Variants in SHANK2 observed in about 807,000 individuals in gnomAD.
The protein encoded by SHANK2 is SH3 and multiple ankyrin repeat domains protein 2.
Under a neutral mutation model 133.7 loss-of-function variants are expected in SHANK2, and 43 were observed. That is an observed-to-expected ratio of 0.32 (90% CI 0.25 to 0.41). The LOEUF (loss-of-function observed/expected upper bound fraction) is 0.41. Among genes scored for constraint, SHANK2 ranks in the 10% least tolerant of loss-of-function variants. SHANK2 has a pLI of 1.00. For synonymous variants in SHANK2, 1,017 were observed against 952.8 expected (o/e 1.07, Z -1.24); for missense variants, 1,994 against 2,235.8 (o/e 0.89, Z 2.18).
chr11:70,944,107 C>T (rs931077339), intron 10 of SHANK2, among the ~76,000 whole-genome samples: 4 of 152,218 alleles, frequency 2.6e-5, no homozygotes, highest in Non-Finnish European at 5.9e-5. Context: ...CTATTTCCCT[C>T]GAGTATATAA....
chr11:70,786,497 C>T (rs537560973), intron 14 of SHANK2, among the ~76,000 whole-genome samples: 1 of 152,260 alleles, frequency 6.6e-6, no homozygotes, highest in South Asian at 2.1e-4. Flanking sequence ...GACTTTTATA[C>T]CTTTACATTC....
intron 17 of SHANK2, among the ~76,000 whole-genome samples, chr11:70,515,218 G>GTGTAGAAA (rs2059249389): frequency 6.6e-6 from 1 of 152,128 alleles, no homozygotes; most frequent in South Asian, 2.1e-4. Flanking sequence ...TTTGTATTCT[G>GTGTAGAAA]TGTAGAAATG....
At chr11:70,536,580 C>T (rs1319747311) in intron 17 of SHANK2, among the ~76,000 whole-genome samples, 3 of 152,172 alleles carry the variant, frequency 2.0e-5, no homozygotes, top group African/African-American at 7.2e-5. Context: ...TCCCAGGGAC[C>T]CGATTCCCAC....
rs373411592 is a variant in SHANK2, at chr11:71,151,824, G to A, written c.-12-4486C>T. On this transcript the variant is annotated intron_variant, in intron 2 of 25. Coordinates refer to ENST00000601538, the MANE Select transcript of SHANK2 (RefSeq NM_012309.5). ...TCCAGGCTCCAAGCTGCTTCCAGGG[G>A]TGCATGTGTAGGAAGCCCCCCCTCA... Among the ~76,000 whole-genome samples the A allele has an allele frequency of 2.0e-5, 3 of 152,282 alleles. No individual in the cohort carries two copies. The East Asian group carries it at 5.8e-4, about 29-fold the overall frequency.
intron 17 of SHANK2, among the ~76,000 whole-genome samples, chr11:70,525,056 G>A (rs1165387937): frequency 6.6e-6 from 1 of 152,254 alleles, no homozygotes; most frequent in African/African-American, 2.4e-5. Flanking sequence ...AGCTGCAGCA[G>A]CACAGGCCTT....
intron 17 of SHANK2, among the ~76,000 whole-genome samples, chr11:70,577,004 C>T (rs2060123836): frequency 6.6e-6 from 1 of 152,166 alleles, no homozygotes; most frequent in South Asian, 2.1e-4. Context: ...TGTGGGAGCC[C>T]AGGAGAGCGC....
chr11:71,223,093 A>T (rs1412573684), intron 2 of SHANK2, among the ~76,000 whole-genome samples: 1 of 152,236 alleles, frequency 6.6e-6, no homozygotes, highest in African/African-American at 2.4e-5. Flanking sequence ...GCAGGTGCAG[A>T]GAAGGGCTTG....
At chr11:71,102,090 C>T (rs1161236825) in intron 6 of SHANK2, among the ~76,000 whole-genome samples, 2 of 152,160 alleles carry the variant, frequency 1.3e-5, no homozygotes, top group Non-Finnish European at 2.9e-5. Context: ...GTGCCTGAGG[C>T]TTCTCTCAAA....
intron 17 of SHANK2, among the ~76,000 whole-genome samples, chr11:70,626,943 G>A (rs954926871): frequency 2.6e-5 from 4 of 152,156 alleles, no homozygotes; most frequent in Non-Finnish European, 4.4e-5. Flanking sequence ...CAGGTCCTCC[G>A]TCAGCACGTA....
In SHANK2 at chr11:70,848,156, G is replaced by A. The variant is rs140771554; in HGVS notation, c.1175-27474C>T. Among the ~76,000 whole-genome samples the A allele has an allele frequency of 3.0e-3, 455 of 152,344 alleles. 3 individuals carry two copies. The highest frequency in any genetic ancestry group is 0.024 in the East Asian group (123 of 5,182). ...CCTCTCAGGACAGCCTTCTCTCCACGGAGGCTTAGCGACAGCAATCTTATC... is the reference window on the plus strand; with the variant it reads ...CCTCTCAGGACAGCCTTCTCTCCACAGAGGCTTAGCGACAGCAATCTTATC... On this transcript the variant is annotated intron_variant, in intron 11 of 25. Coordinates refer to ENST00000601538, the MANE Select transcript of SHANK2 (RefSeq NM_012309.5).
intron 10 of SHANK2, among the ~76,000 whole-genome samples, chr11:70,900,711 T>C (rs1555076579): frequency 6.6e-6 from 1 of 152,240 alleles, no homozygotes; most frequent in Non-Finnish European, 1.5e-5. Flanking sequence ...CTCCCCTTGA[T>C]GATTTCAAGG....
chr11:70,491,393 AAAGTGGGAGGC>A, intron 22 of SHANK2, among the ~76,000 whole-genome samples: 1 of 152,310 alleles, frequency 6.6e-6, no homozygotes, highest in African/African-American at 2.4e-5. Flanking sequence ...GACTGGGAAC[AAAGTGGGAGGC>A]AAGGACCGGC....
rs2058806864 is a variant in SHANK2 at position 70,486,438 on chromosome 11, G to C, written c.3855C>G (p.Asp1285Glu). 5 of 1,614,112 alleles carry C rather than the reference G, an allele frequency of 3.1e-6. No homozygotes were observed. The East Asian group carries it at 6.7e-5, about 22-fold the overall frequency. ...CATCGCCTTTCCGGTCTCGGCCCAG[G>C]TCGGTCTCGTACTTGTTCTCCGTCT... ...RQETENKYET[D>E]LGRDRKGDDK... Residue 1285 changes from aspartate to glutamate, a missense_variant, in exon 25 of 26, where the codon GAC (aspartate) becomes GAG (glutamate). Around this residue, in one of 5 missense-constraint regions of SHANK2, gnomAD observed 797 missense variants for 907.4 expected, o/e 0.88. Coordinates refer to ENST00000601538, the MANE Select transcript of SHANK2 (RefSeq NM_012309.5). This position sits in a 1 kb window ranked among gnomAD's most constrained non-coding sequence, Gnocchi z 8.0.
At chr11:70,942,557 A>G (rs1321187000) in intron 10 of SHANK2, 1 of 456,740 alleles carries the variant, frequency 2.2e-6, no homozygotes, top group East Asian at 6.9e-5. Context: ...AAATTTCAAC[A>G]TGAGATTTGG....
intron 11 of SHANK2, among the ~76,000 whole-genome samples, chr11:70,831,788 T>C (rs1385066459): frequency 6.6e-6 from 1 of 152,228 alleles, no homozygotes; most frequent in Non-Finnish European, 1.5e-5. Flanking sequence ...AACATCCTCG[T>C]TCAGTGGCGA....
intron 9 of SHANK2, among the ~76,000 whole-genome samples, chr11:71,059,773 G>A (rs1446951323): frequency 6.6e-6 from 1 of 152,194 alleles, no homozygotes; most frequent in Non-Finnish European, 1.5e-5. Flanking sequence ...AGTAAAGGCC[G>A]CCCCGTCTCT....
intron 14 of SHANK2, among the ~76,000 whole-genome samples, chr11:70,765,423 G>C (rs1311504887): frequency 2.6e-5 from 4 of 152,168 alleles, no homozygotes; most frequent in Non-Finnish European, 5.9e-5. Context: ...TGCTGCCGGT[G>C]ACCACCTCTG....
rs1420248139 is a variant in SHANK2, at chr11:71,147,232, G to C, written c.95C>G (p.Thr32Ser). ...AGTGGCCCGGATCGTGTCATAGATG[G>C]TCTCTTCTTTGGAGCTGTCTGACTC... ...GSESDSSKEE[T>S]IYDTIRATAE... Residue 32 changes from threonine (T) to serine (S), a missense_variant, in exon 3 of 26, where the codon ACC becomes AGC. Thr to Ser is a moderately conservative substitution (Grantham distance 58, BLOSUM62 1). Around this residue, in one of 5 missense-constraint regions of SHANK2, gnomAD observed 653 missense variants for 563.4 expected, o/e 1.16. Transcript: ENST00000601538. 1.9e-6 allele frequency: 3 copies of C among 1,550,866 alleles called. No homozygotes were observed. Among genetic ancestry groups the C allele is most frequent in the Non-Finnish European group, 2.6e-6 (3 of 1,146,970 alleles).
At chr11:71,086,310 T>C (rs1400211092) in intron 8 of SHANK2, among the ~76,000 whole-genome samples, 10 of 119,054 alleles carry the variant, frequency 8.4e-5, no homozygotes, top group South Asian at 5.0e-4. Flanking sequence ...TTATATAAGA[T>C]ATAGTATATG....
Sources: allele counts gnomAD v4.1 joint callset (sites outside exome capture counted in the v4.1 genomes callset), GRCh38; gene constraint gnomAD v4.1.1; regional missense constraint gnomAD v4.1.1; non-coding constraint Gnocchi (gnomAD v3.1); transcripts MANE v1.5; gene names NCBI Gene and HGNC (gene_info 2026-07-23, HGNC 2026-07-21).